Variants in TBC1D31 observed in about 807,000 individuals in gnomAD.
The protein encoded by TBC1D31 is TBC1 domain family member 31.
Under a neutral mutation model 132.9 loss-of-function variants are expected in TBC1D31, and 99 were observed. The observed-to-expected ratio is 0.74, with a 90% CI of 0.63 to 0.88. TBC1D31 has a LOEUF of 0.88. TBC1D31 is among the 40% of genes least tolerant of loss of function. The pLI, the probability that TBC1D31 is intolerant of heterozygous loss-of-function variation, is 0.00. For missense variants in TBC1D31, 1,134 were observed against 1,256.6 expected (o/e 0.90, Z 1.48); for synonymous variants, 385 against 419.4 (o/e 0.92, Z 1.00).
chr8:123,122,359 G>A (rs896270224), intron 11 of TBC1D31, among the ~76,000 whole-genome samples: 7 of 152,178 alleles, frequency 4.6e-5, no homozygotes, highest in Non-Finnish European at 8.8e-5. Context: ...GCTGTCAAAA[G>A]CAATGAGGTC....
At chr8:123,085,906 C>T (rs181131992) in intron 4 of TBC1D31, among the ~76,000 whole-genome samples, 1 of 152,254 alleles carries the variant, frequency 6.6e-6, no homozygotes, top group Admixed American at 6.5e-5. Flanking sequence ...CACAGATGCC[C>T]CAGTTTGGTT....
chr8:123,092,209 TTC>T (rs1816395470), intron 4 of TBC1D31, among the ~76,000 whole-genome samples: 1 of 152,050 alleles, frequency 6.6e-6, no homozygotes, highest in Non-Finnish European at 1.5e-5. Context: ...GAGACGGGGT[TTC>T]ACCATGTTGG....
chr8:123,113,201 G>T (rs1260558730), intron 10 of TBC1D31, among the ~76,000 whole-genome samples: 1 of 152,196 alleles, frequency 6.6e-6, no homozygotes, highest in Non-Finnish European at 1.5e-5. Context: ...AGTTACTCAA[G>T]TAACTGTTTA....
At chr8:123,083,203 GAC>G (rs1258066319) in intron 3 of TBC1D31, 2 of 158,992 alleles carry the variant, frequency 1.3e-5, no homozygotes, top group African/African-American at 4.8e-5. Flanking sequence ...CCTCTCAGAT[GAC>G]ACTCCCAGCA....
chr8:123,145,415 C>T (rs985905034), intron 20 of TBC1D31, among the ~76,000 whole-genome samples: 1 of 152,090 alleles, frequency 6.6e-6, no homozygotes, highest in African/African-American at 2.4e-5. Flanking sequence ...TCTGTTGCTC[C>T]AAGGTAAAAT....
intron 18 of TBC1D31, among the ~76,000 whole-genome samples, chr8:123,141,632 G>A (rs554466720): frequency 8.5e-5 from 13 of 152,104 alleles, no homozygotes; most frequent in Admixed American, 2.6e-4. Flanking sequence ...ATAGTGTACC[G>A]TAGATACCTT....
chr8:123,080,421 G>A (rs933298051), intron 2 of TBC1D31, among the ~76,000 whole-genome samples: 7 of 151,810 alleles, frequency 4.6e-5, no homozygotes, highest in African/African-American at 1.7e-4. Context: ...GTGATCAACC[G>A]TTGTCCTTCC....
downstream of TBC1D31, among the ~76,000 whole-genome samples, chr8:123,155,646 T>G (rs535420844): frequency 3.3e-5 from 5 of 152,288 alleles, no homozygotes; most frequent in Middle Eastern, 6.8e-3. This position sits in a 1 kb window ranked among gnomAD's most constrained non-coding sequence, Gnocchi z 4.1. Context: ...TGAAAATAAT[T>G]CTCAGATCCA....
chr8:123,130,220 CTGA>C lies in TBC1D31; in HGVS notation c.2294_2296del (p.Leu765_Lys766delinsGln). On this transcript the variant is annotated inframe_deletion, in exon 16 of 22. Transcript: ENST00000287380. Reference sequence around the variant, plus strand: ...AAGGCTAGCTGCTGTGAAAAGAGAGCTGAAAGTAAAGGAAATGCACTTACAAGA... The same window carrying C: ...AAGGCTAGCTGCTGTGAAAAGAGAGCAAGTAAAGGAAATGCACTTACAAGA... 6.2e-7 allele frequency: 1 copy of C among 1,610,882 alleles called. No homozygotes were observed. The highest frequency in any genetic ancestry group is 8.5e-7 in the Non-Finnish European group (1 of 1,178,484).
At chr8:123,083,911 A>G in intron 3 of TBC1D31, 1 of 394,190 alleles carries the variant, frequency 2.5e-6, no homozygotes, top group Admixed American at 4.2e-5. Flanking sequence ...ACTCACTAGC[A>G]TCAATTTTGA....
chr8:123,151,743 A>G (rs1273889056), intron 21 of TBC1D31, 63 bp from the exon 22 acceptor site: 1 of 1,430,982 alleles, frequency 7.0e-7, no homozygotes, highest in Non-Finnish European at 9.3e-7. Context: ...TTTAAAATAA[A>G]TGCTGTATCA....
intron 2 of TBC1D31, among the ~76,000 whole-genome samples, chr8:123,078,846 C>T (rs1331116066): frequency 1.3e-5 from 2 of 151,592 alleles, no homozygotes; most frequent in South Asian, 2.1e-4. Flanking sequence ...ACAAAGTACC[C>T]CCCCACAAAA....
chr8:123,090,960 A>G (rs907816739), intron 4 of TBC1D31, among the ~76,000 whole-genome samples: 2 of 151,646 alleles, frequency 1.3e-5, no homozygotes, highest in African/African-American at 4.9e-5. Flanking sequence ...AAATAAATCA[A>G]TAATAAATAA....
chr8:123,128,571 A>T, intron 14 of TBC1D31, 58 bp downstream of exon 14: 1 of 1,340,330 alleles, frequency 7.5e-7, no homozygotes, highest in Non-Finnish European at 1.0e-6. Flanking sequence ...TAAACATAAG[A>T]AAGTTTTAAT....
intron 7 of TBC1D31, chr8:123,104,207 C>T (rs2130441716): frequency 6.6e-6 from 1 of 152,176 alleles, no homozygotes. Context: ...TTTCAGCTCT[C>T]ATGGTGTAAA....
intron 19 of TBC1D31, among the ~76,000 whole-genome samples, chr8:123,144,162 C>T (rs913419030): frequency 1.3e-5 from 2 of 152,130 alleles, no homozygotes; most frequent in African/African-American, 2.4e-5. Flanking sequence ...TCCAGAATTT[C>T]GGCAAACTTT....
intron 3 of TBC1D31, chr8:123,083,033 A>C (rs1036740250): frequency 1.2e-5 from 6 of 494,752 alleles, no homozygotes; most frequent in African/African-American, 7.8e-5. Flanking sequence ...TTGATAATTT[A>C]CTAGAACAAC....
chr8:123,148,118 C>T (rs919697377), intron 20 of TBC1D31, among the ~76,000 whole-genome samples: 1 of 147,696 alleles, frequency 6.8e-6, no homozygotes, highest in Non-Finnish European at 1.5e-5. Context: ...CAGAGCGAGA[C>T]TCCATCTCAA....
At chr8:123,136,888 T>C (rs1225756272) in intron 17 of TBC1D31, among the ~76,000 whole-genome samples, 2 of 152,234 alleles carry the variant, frequency 1.3e-5, no homozygotes, top group African/African-American at 4.8e-5. Context: ...AAAACAAATA[T>C]ATGAAATCCT....
Sources: gnomAD v4.1 joint callset for allele counts (sites outside exome capture counted in the v4.1 genomes callset) on GRCh38, gnomAD v4.1.1 for gene constraint, Gnocchi (gnomAD v3.1) non-coding constraint, MANE v1.5 for transcripts, NCBI Gene and HGNC (gene_info 2026-07-23, HGNC 2026-07-21) for gene names.